PTPRN2: variants seen among roughly 807,000 people sequenced by gnomAD.
The protein encoded by PTPRN2 is protein tyrosine phosphatase receptor type N2, also known as receptor-type tyrosine-protein phosphatase N2.
PTPRN2 carries 74 observed loss-of-function variants against 118.8 expected under a neutral mutation model. That is an observed-to-expected ratio of 0.62 (90% CI 0.52 to 0.76). PTPRN2 has a LOEUF of 0.76. Ranked by LOEUF, PTPRN2 falls within the 30% of genes least tolerant of loss-of-function variation. The pLI, the probability that PTPRN2 is intolerant of heterozygous loss-of-function variation, is 0.00. For synonymous variants in PTPRN2, 641 were observed against 608.0 expected (o/e 1.05, Z -0.80); for missense variants, 1,481 against 1,394.4 (o/e 1.06, Z -0.99).
At chr7:157,720,273 G>A (rs920041368) in intron 12 of PTPRN2, among the ~76,000 whole-genome samples, 13 of 151,966 alleles carry the variant, frequency 8.6e-5, no homozygotes, top group African/African-American at 2.7e-4. Context: ...AGCTACCCTC[G>A]CCCCATCATG....
intron 2 of PTPRN2, among the ~76,000 whole-genome samples, chr7:158,337,144 C>T (rs1217103442): frequency 6.6e-6 from 1 of 151,880 alleles, no homozygotes; most frequent in Admixed American, 6.5e-5. Context: ...TACAGCCATA[C>T]TCTCACCATA....
intron 3 of PTPRN2, among the ~76,000 whole-genome samples, chr7:158,218,275 G>C (rs988839928): frequency 6.6e-6 from 1 of 152,120 alleles, no homozygotes; most frequent in Admixed American, 6.5e-5. Context: ...GAAGAGACTG[G>C]GGGCCCTATT....
intron 11 of PTPRN2, among the ~76,000 whole-genome samples, chr7:157,904,195 G>A (rs990384166): frequency 1.3e-5 from 2 of 152,176 alleles, no homozygotes; most frequent in African/African-American, 4.8e-5. Context: ...TCCCACAGTG[G>A]AATTGCTGTG....
intron 12 of PTPRN2, among the ~76,000 whole-genome samples, chr7:157,783,452 G>A (rs112576979): frequency 4.5e-4 from 67 of 150,376 alleles, no homozygotes; most frequent in African/African-American, 1.5e-3. Context: ...GATGTTCCTC[G>A]GCACTGCTGG....
rs1026130787 is a variant in PTPRN2 at position 157,845,086 on chromosome 7, C to T, written c.1788+53587G>A. Among the ~76,000 whole-genome samples, 76 of 152,266 alleles carry T rather than the reference C, an allele frequency of 5.0e-4. No individual in the cohort carries two copies. Among genetic ancestry groups the T allele is most frequent in the African/African-American group, 1.8e-3 (74 of 41,540 alleles). On this transcript the variant is annotated intron_variant, in intron 12 of 22. Transcript: ENST00000389418. This position sits in a 1 kb window ranked among gnomAD's most constrained non-coding sequence, Gnocchi z 4.5. ...AGATAGACAAAGGGAGAGGTGAGCA[C>T]AAGGTCACAGGGACGCAGCCCTGAC...
intron 10 of PTPRN2, among the ~76,000 whole-genome samples, chr7:158,101,532 TA>T: frequency 6.6e-6 from 1 of 152,260 alleles, no homozygotes; most frequent in South Asian, 2.1e-4. Context: ...GGACTTAAAC[TA>T]AAAAGTTTCT....
chr7:157,797,096 G>A (rs1036525310), intron 12 of PTPRN2, among the ~76,000 whole-genome samples: 3 of 152,316 alleles, frequency 2.0e-5, no homozygotes, highest in East Asian at 1.9e-4. Context: ...CAACTGCACC[G>A]AAATCCCAGC....
At chr7:158,326,503 C>A (rs1306743855) in intron 2 of PTPRN2, among the ~76,000 whole-genome samples, 1 of 150,692 alleles carries the variant, frequency 6.6e-6, no homozygotes, top group East Asian at 1.9e-4. Flanking sequence ...TCACAGCATG[C>A]ACACACAATG....
rs986376633 is a variant in PTPRN2 at position 157,626,751 on chromosome 7, T to A, written c.2197-5242A>T. On this transcript the variant is annotated intron_variant, in intron 14 of 22. Transcript: ENST00000389418. ...GGAATAATAATGCATAATCTGGAAA[T>A]CTCTACAAGTGATTTATATTATAGG... 2.0e-5 allele frequency among the ~76,000 whole-genome samples: 3 copies of A among 152,210 alleles called. No homozygotes were observed. In the South Asian group the frequency reaches 6.2e-4, roughly 32 times the overall value.
intron 7 of PTPRN2, among the ~76,000 whole-genome samples, chr7:158,137,398 CAGAG>C (rs1181493441): frequency 6.6e-6 from 1 of 152,138 alleles, no homozygotes; most frequent in African/African-American, 2.4e-5. Flanking sequence ...GCCTGGGTGA[CAGAG>C]AGAGACTCCA....
At chr7:158,203,289 A>G (rs1214015051) in intron 4 of PTPRN2, among the ~76,000 whole-genome samples, 1 of 150,886 alleles carries the variant, frequency 6.6e-6, no homozygotes, top group African/African-American at 2.4e-5. Flanking sequence ...GGAAGGAAGG[A>G]AGGGAGGAAG....
intron 3 of PTPRN2, among the ~76,000 whole-genome samples, chr7:158,218,563 C>T (rs1370871790): frequency 6.6e-6 from 1 of 152,132 alleles, no homozygotes; most frequent in African/African-American, 2.4e-5. Context: ...ACACAAATGA[C>T]AGGATTAAAT....
At position 158,144,363 on chromosome 7, in the gene PTPRN2, C is replaced by A. The variant is rs146038696; in HGVS notation, c.911-5848G>T. Reference sequence around the variant, plus strand: ...AAAGAGAAAGCAGACATCAGCCGGACGCGGTGGCTCACACCCGTAATCCCA... The same window carrying A: ...AAAGAGAAAGCAGACATCAGCCGGAAGCGGTGGCTCACACCCGTAATCCCA... On this transcript the variant is annotated intron_variant, in intron 6 of 22. Coordinates refer to ENST00000389418, the MANE Select transcript of PTPRN2 (RefSeq NM_002847.5). 3.3e-5 allele frequency among the ~76,000 whole-genome samples: 5 copies of A among 152,248 alleles called. No homozygotes were observed. The East Asian group carries it at 5.8e-4, about 18-fold the overall frequency.
chr7:158,166,969 G>A lies in PTPRN2; in HGVS notation c.872C>T (p.Pro291Leu), dbSNP rs780621170. 9.8e-5 allele frequency: 142 copies of A among 1,454,186 alleles called. No individual in the cohort carries two copies. The highest frequency in any genetic ancestry group is 3.6e-4 in the Admixed American group (13 of 36,190). 90.1% of individuals were successfully genotyped at this position (1,454,186 alleles called of 1,614,324 possible). ...GGAGGGGTCTTCGGAATCTCCCAGAGGTGAAGGCCACTTCTGGGGGGCGGC... is the reference window on the plus strand; with the variant it reads ...GGAGGGGTCTTCGGAATCTCCCAGAAGTGAAGGCCACTTCTGGGGGGCGGC... ...APAAPQKWPS[P>L]LGDSEDPSST... Residue 291 changes from proline (P) to leucine (L), a missense_variant, in exon 6 of 23, where the codon CCT (proline) becomes CTT (leucine). By Grantham distance (98) the Pro-to-Leu change is moderately conservative (BLOSUM62 -3). This residue lies in a region of PTPRN2 where 1,115 missense variants were observed against 994.2 expected (regional missense o/e 1.12). Transcript: ENST00000389418.
chr7:157,646,943 C>T (rs558795940), intron 14 of PTPRN2, among the ~76,000 whole-genome samples: 135 of 147,482 alleles, frequency 9.2e-4, no homozygotes, highest in African/African-American at 2.7e-3. Context: ...CAGACCCATC[C>T]AGGGTGCACT....
intron 1 of PTPRN2, among the ~76,000 whole-genome samples, chr7:158,493,411 A>G: frequency 3.6e-5 from 1 of 27,554 alleles, no homozygotes; most frequent in Non-Finnish European, 7.6e-5. Flanking sequence ...ACACCTGCAG[A>G]CACGTACACG....
At chr7:158,150,326 G>C (rs144954890) in intron 6 of PTPRN2, among the ~76,000 whole-genome samples, 20 of 152,342 alleles carry the variant, frequency 1.3e-4, no homozygotes, top group African/African-American at 4.3e-4. Flanking sequence ...CAGCTGACAA[G>C]CATGTTCCAT....
chr7:157,569,189 G>C (rs890474317), intron 20 of PTPRN2, among the ~76,000 whole-genome samples: 2 of 152,274 alleles, frequency 1.3e-5, no homozygotes, highest in Non-Finnish European at 2.9e-5. Context: ...GTAGCTTGTG[G>C]GATGAGCTGC....
At chr7:157,789,600 C>T (rs183692921) in intron 12 of PTPRN2, among the ~76,000 whole-genome samples, 55 of 152,292 alleles carry the variant, frequency 3.6e-4, no homozygotes, top group African/African-American at 1.2e-3. Flanking sequence ...CCTGAGGTCC[C>T]CAGCCTTTGA....
Sources: allele counts gnomAD v4.1 joint callset (sites outside exome capture counted in the v4.1 genomes callset), GRCh38; gene constraint gnomAD v4.1.1; regional missense constraint gnomAD v4.1.1; non-coding constraint Gnocchi (gnomAD v3.1); transcripts MANE v1.5; gene names NCBI Gene and HGNC (gene_info 2026-07-23, HGNC 2026-07-21).